The following TP63 variants were observed in gnomAD, a reference collection of about 807,000 sequenced individuals.
TP63 encodes the protein tumor protein p63.
TP63 carries 17 observed loss-of-function variants against 82.8 expected under a neutral mutation model. The ratio of observed to expected loss-of-function variants is 0.21; its 90% CI spans 0.14 to 0.31. The LOEUF is 0.31. Among genes scored for constraint, TP63 ranks in the 10% least tolerant of loss-of-function variants. The probability of loss-of-function intolerance (pLI) is 1.00; values close to 1 mark genes in which losing one functional copy is unlikely to be tolerated. For synonymous variants in TP63, 330 were observed against 321.7 expected (o/e 1.03, Z -0.28); for missense variants, 648 against 895.3 (o/e 0.72, Z 3.52).
At position 189,766,759 on chromosome 3, in the gene TP63, T is replaced by TA. The variant is rs563624321; in HGVS notation, c.324+27992dup. Among the ~76,000 whole-genome samples the TA allele has an allele frequency of 6.8e-4, 103 of 152,252 alleles. 1 individual carries two copies. In the East Asian group the frequency reaches 0.013, roughly 19 times the overall value. ...TGCACATAAAATCTTTTCTCTGGTT[T>TA]AAAAAAATGCACAAACCTACCTACC... On this transcript the variant is annotated intron_variant, in intron 3 of 13. Coordinates refer to ENST00000264731, the MANE Select transcript of TP63 (RefSeq NM_003722.5).
intron 3 of TP63, among the ~76,000 whole-genome samples, chr3:189,807,451 A>C (rs1321580291): frequency 6.6e-6 from 1 of 152,228 alleles, no homozygotes; most frequent in East Asian, 1.9e-4. Flanking sequence ...ATTCACATAG[A>C]AGACATAAAA....
chr3:189,841,380 T>G (rs188723463), intron 4 of TP63, among the ~76,000 whole-genome samples: 21 of 152,318 alleles, frequency 1.4e-4, no homozygotes, highest in African/African-American at 4.8e-4. Context: ...TACAGATGGG[T>G]GAGTGATGGT....
At chr3:189,801,128 A>G (rs999760378) in intron 3 of TP63, among the ~76,000 whole-genome samples, 1 of 152,204 alleles carries the variant, frequency 6.6e-6, no homozygotes, top group Non-Finnish European at 1.5e-5. Flanking sequence ...CAAACCAAGG[A>G]TGCATTACTG....
At chr3:189,812,158 T>G (rs1235594307) in intron 4 of TP63, among the ~76,000 whole-genome samples, 1 of 152,214 alleles carries the variant, frequency 6.6e-6, no homozygotes, top group African/African-American at 2.4e-5. Context: ...GTTTTCTTTT[T>G]TAACTTTTCT....
At chr3:189,791,262 G>A (rs1430668240) in intron 3 of TP63, among the ~76,000 whole-genome samples, 1 of 152,090 alleles carries the variant, frequency 6.6e-6, no homozygotes, top group Non-Finnish European at 1.5e-5. Context: ...AGCCGCCTAG[G>A]ATCTTGTAAG....
At chr3:189,608,796 A>G in the TP63 span, among the ~76,000 whole-genome samples, 11 of 152,126 alleles carry the variant, frequency 7.2e-5, no homozygotes, top group Non-Finnish European at 1.5e-4. Flanking sequence ...AATTAATAAT[A>G]TTTTAATATC....
intron 3 of TP63, among the ~76,000 whole-genome samples, chr3:189,739,654 G>A (rs565930795): frequency 6.6e-6 from 1 of 152,244 alleles, no homozygotes; most frequent in East Asian, 1.9e-4. Flanking sequence ...CATTTATAAA[G>A]TGGTGAGATC....
At chr3:189,851,351 A>G (rs1715603353) in intron 4 of TP63, among the ~76,000 whole-genome samples, 1 of 152,116 alleles carries the variant, frequency 6.6e-6, no homozygotes, top group African/African-American at 2.4e-5. Context: ...TTGAGCCCAA[A>G]GAGTGAGAGA....
chr3:189,664,235 A>C (rs1171265902), intron 1 of TP63, among the ~76,000 whole-genome samples: 1 of 152,194 alleles, frequency 6.6e-6, no homozygotes, highest in Non-Finnish European at 1.5e-5. Context: ...CAGGAATATC[A>C]CAATACCCAG....
At chr3:189,749,718 G>C (rs1721655974) in intron 3 of TP63, among the ~76,000 whole-genome samples, 1 of 152,052 alleles carries the variant, frequency 6.6e-6, no homozygotes, top group Non-Finnish European at 1.5e-5. Context: ...ATATCAAAAA[G>C]GATACATGCA....
rs1553847710 is a variant in TP63 at position 189,819,768 on chromosome 3, T to TTTC, written c.579+11243_579+11244insTCT. Among the ~76,000 whole-genome samples, 35 of 120,482 alleles carry TTTC rather than the reference T, an allele frequency of 2.9e-4. 1 individual carries two copies. Among genetic ancestry groups the TTTC allele is most frequent in the Middle Eastern group, 4.5e-3 (1 of 222 alleles). The allele number at this position is 120,482 out of a possible 152,430, so 79.0% of individuals were successfully genotyped here. On this transcript the variant is annotated intron_variant, in intron 4 of 13. Coordinates refer to ENST00000264731, the MANE Select transcript of TP63 (RefSeq NM_003722.5). ...TTACCTTTTTTTTTTTTTTTTTTTTTTGAGACAGTCTCTCACTCTGTCACT... is the reference window on the plus strand; with the variant it reads ...TTACCTTTTTTTTTTTTTTTTTTTTTTTCTGAGACAGTCTCTCACTCTGTCACT...
At chr3:189,709,024 C>A (rs1036463413) in intron 1 of TP63, among the ~76,000 whole-genome samples, 4 of 152,118 alleles carry the variant, frequency 2.6e-5, no homozygotes, top group Non-Finnish European at 4.4e-5. Context: ...TCAGTATTAT[C>A]CCCATATAGT....
At chr3:189,658,801 G>A (rs552122360) in intron 1 of TP63, among the ~76,000 whole-genome samples, 3 of 152,106 alleles carry the variant, frequency 2.0e-5, no homozygotes, top group South Asian at 4.1e-4. Flanking sequence ...AAGGAGATAA[G>A]CAAAACTAAG....
At chr3:189,601,957 T>C in the TP63 span, among the ~76,000 whole-genome samples, 65,983 of 152,014 alleles carry the variant, frequency 0.43, 15,094 homozygotes, top group East Asian at 0.67. Context: ...TCTGCTATCT[T>C]GATGGAAATT....
intron 1 of TP63, among the ~76,000 whole-genome samples, chr3:189,677,754 C>T (rs1276640697): frequency 6.6e-6 from 1 of 152,046 alleles, no homozygotes; most frequent in Non-Finnish European, 1.5e-5. Flanking sequence ...GCCTCATCAA[C>T]ATCTGTTATT....
intron 3 of TP63, among the ~76,000 whole-genome samples, chr3:189,748,508 C>CAAAAAAAAAAAAAAAAAAAA (rs58926854): frequency 3.2e-4 from 10 of 31,252 alleles, no homozygotes; most frequent in East Asian, 1.4e-3. Context: ...AGGAAAACTA[C>CAAAAAAAAAAAAAAAAAAAA]AAAAAAAAAA....
rs1028017089 is a variant in TP63 at position 189,807,651 on chromosome 3, T to C, written c.325-621T>C. On this transcript the variant is annotated intron_variant, in intron 3 of 13. Coordinates refer to ENST00000264731, the MANE Select transcript of TP63 (RefSeq NM_003722.5). ...TTTGGATGATTTACTAGCATGTTAC[T>C]TTTTAAAATACATAGTTGGGTGTCC... Among the ~76,000 whole-genome samples, 20 of 152,216 alleles carry C rather than the reference T, an allele frequency of 1.3e-4. 1 individual carries two copies. The South Asian group carries it at 4.1e-3, about 32-fold the overall frequency.
chr3:189,819,982 C>T (rs1177739199), intron 4 of TP63, among the ~76,000 whole-genome samples: 2 of 152,046 alleles, frequency 1.3e-5, no homozygotes, highest in Admixed American at 1.3e-4. Context: ...AACTCCTGAC[C>T]TTGTGATCCA....
At chr3:189,637,059 A>G (rs963322963) in intron 1 of TP63, among the ~76,000 whole-genome samples, 4 of 151,918 alleles carry the variant, frequency 2.6e-5, no homozygotes, top group African/African-American at 9.7e-5. Context: ...GTAGAAACCA[A>G]CCCTGGACTG....
Sources: allele counts gnomAD v4.1 joint callset (sites outside exome capture counted in the v4.1 genomes callset), GRCh38; gene constraint gnomAD v4.1.1; transcripts MANE v1.5; gene names NCBI Gene and HGNC (gene_info 2026-07-23, HGNC 2026-07-21).